The following LINGO3 variants were observed in gnomAD, a reference collection of about 807,000 sequenced individuals.
LINGO3 encodes the protein leucine-rich repeat and immunoglobulin-like domain-containing nogo receptor-interacting protein 3.
For synonymous variants in LINGO3, 427 were observed against 444.2 expected, an observed-to-expected ratio of 0.96 and a Z score of 0.49; for missense variants, 750 against 867.7, an observed-to-expected ratio of 0.86 and a Z score of 1.70.
chr19:2,292,903 A>C (rs2025539902), upstream of LINGO3, among the ~76,000 whole-genome samples: 1 of 152,162 alleles, frequency 6.6e-6, no homozygotes, highest in Non-Finnish European at 1.5e-5. Flanking sequence ...AATGTGCCCC[A>C]AGGAATGGAT....
At chr19:2,293,342 G>A (rs187004576), upstream of LINGO3, among the ~76,000 whole-genome samples, 20 of 151,098 alleles carry the variant, frequency 1.3e-4, 1 homozygote, top group East Asian at 3.7e-3. Flanking sequence ...GGGATTACAG[G>A]AGTGAGCCAC....
At chr19:2,288,326 C>G (rs945926715), downstream of LINGO3, among the ~76,000 whole-genome samples, 1 of 152,222 alleles carries the variant, frequency 6.6e-6, no homozygotes, top group Non-Finnish European at 1.5e-5. The surrounding 1 kb of genome is among the most constrained non-coding windows in gnomAD (Gnocchi z 6.5). Flanking sequence ...TGTCACTACA[C>G]TGCACCGCAC....
At chr19:2,307,790 C>G in the LINGO3 span, among the ~76,000 whole-genome samples, 1 of 152,092 alleles carries the variant, frequency 6.6e-6, no homozygotes. Flanking sequence ...ATCCTCCCAG[C>G]GTCCCCAGTG....
At chr19:2,301,368 C>T in the LINGO3 span, among the ~76,000 whole-genome samples, 1 of 152,030 alleles carries the variant, frequency 6.6e-6, no homozygotes, top group East Asian at 1.9e-4. Context: ...TGAGAAGCGT[C>T]CCTGGCCTCT....
exon 1 of LINGO3, chr19:2,289,970 G>A: frequency 6.8e-7 from 1 of 1,472,002 alleles, no homozygotes; most frequent in Non-Finnish European, 9.1e-7. Context: ...GCGGGGGAGG[G>A]GAGGGGAGGG....
upstream of LINGO3, among the ~76,000 whole-genome samples, chr19:2,292,788 C>G (rs2025538781): frequency 6.6e-6 from 1 of 152,082 alleles, no homozygotes; most frequent in African/African-American, 2.4e-5. Flanking sequence ...CCGCGCCCAC[C>G]CGCTCCTGGG....
upstream of LINGO3, among the ~76,000 whole-genome samples, chr19:2,294,599 A>G (rs1454073570): frequency 2.8e-5 from 4 of 143,648 alleles, no homozygotes; most frequent in African/African-American, 7.8e-5. The surrounding 1 kb of genome is among the most constrained non-coding windows in gnomAD (Gnocchi z 4.3). Flanking sequence ...GCTAAAGGAG[A>G]GAGTGGAGGG....
the LINGO3 span, among the ~76,000 whole-genome samples, chr19:2,301,246 G>A: frequency 6.6e-6 from 1 of 152,076 alleles, no homozygotes; most frequent in Non-Finnish European, 1.5e-5. Flanking sequence ...TGTGAGCAGG[G>A]GACAGATTTA....
chr19:2,290,407 G>C lies in LINGO3; in HGVS notation c.1370C>G (p.Ala457Gly), dbSNP rs1476817542. The C allele has an allele frequency of 1.4e-6, 2 of 1,428,710 alleles. No homozygotes were observed. The highest frequency in any genetic ancestry group is 2.9e-5 in the South Asian group (2 of 68,774). 88.5% of individuals were successfully genotyped at this position (1,428,710 alleles called of 1,614,324 possible). Residue 457 changes from alanine (A) to glycine (G), a missense_variant, in exon 1 of 1, where the codon GCG (alanine) becomes GGG (glycine). Ala to Gly is a moderately conservative substitution (Grantham distance 60, BLOSUM62 0). Transcript: ENST00000585527. The surrounding 1 kb of genome is among the most constrained non-coding windows in gnomAD (Gnocchi z 6.0). ...CAGCGTCCCCCCGGGGAGCACGCGCGCCCGGCCCGCGCTGGTGGCCGTCAC... is the reference window on the plus strand; with the variant it reads ...CAGCGTCCCCCCGGGGAGCACGCGCCCCCGGCCCGCGCTGGTGGCCGTCAC...
chr19:2,290,627 C>T lies in LINGO3; in HGVS notation c.1150G>A (p.Glu384Lys). The change falls in exon 1 of 1, where the codon GAG becomes AAG. Residue 384 changes from glutamate to lysine, a missense_variant. By Grantham distance (56) the Glu-to-Lys change is moderately conservative (BLOSUM62 1). Transcript: ENST00000585527. The surrounding 1 kb of genome is among the most constrained non-coding windows in gnomAD (Gnocchi z 6.0). ...TTTCGCAGCGCGTCGCCGCGCACCTCGGCCGGGGTGGCGCAGGCCGGCAGC... is the reference window on the plus strand; with the variant it reads ...TTTCGCAGCGCGTCGCCGCGCACCTTGGCCGGGGTGGCGCAGGCCGGCAGC... The T allele has an allele frequency of 1.3e-6, 2 of 1,595,792 alleles. No individual in the cohort carries two copies. Among genetic ancestry groups the T allele is most frequent in the Non-Finnish European group, 8.5e-7 (1 of 1,174,636 alleles).
In LINGO3 at chr19:2,290,115, G is replaced by A. The variant is rs376118489; in HGVS notation, c.1662C>T (p.Arg554=). The A allele has an allele frequency of 1.2e-6, 2 of 1,610,276 alleles. No homozygotes were observed. Among genetic ancestry groups the A allele is most frequent in the Non-Finnish European group, 1.7e-6 (2 of 1,178,666 alleles). Residue 554 remains arginine (R), a synonymous_variant, in exon 1 of 1, where the codon CGC becomes CGT. Transcript: ENST00000585527. This position sits in a 1 kb window ranked among gnomAD's most constrained non-coding sequence, Gnocchi z 6.0. ...AGTTGTTTTTGTGCTGCCCGCGGCC[G>A]CGGCTCCACACGAACAGCAGCACGA...
Position 2,291,830 on chromosome 19 carries a change from C to A in LINGO3, c.-54G>T. The A allele has an allele frequency of 7.0e-7, 1 of 1,423,948 alleles. No homozygotes were observed. The highest frequency in any genetic ancestry group is 2.1e-5 in the Admixed American group (1 of 47,484). The allele number at this position is 1,423,948 out of a possible 1,614,324, so 88.2% of individuals were successfully genotyped here. A position where few individuals can be genotyped will look rare whatever the true frequency, so the allele number is the denominator to read the frequency against. ...CACCATCCTCCTGCGCACCTGCGGG[C>A]GGGCGGGGAGCGGGCAGCGTTAGCA... On this transcript the variant is annotated 5_prime_UTR_variant, in exon 1 of 1. Transcript: ENST00000585527.
chr19:2,300,180 T>A, the LINGO3 span, among the ~76,000 whole-genome samples: 1 of 151,786 alleles, frequency 6.6e-6, no homozygotes, highest in Non-Finnish European at 1.5e-5. Context: ...TAAAGGTGCA[T>A]GCCACCACAC....
the LINGO3 span, among the ~76,000 whole-genome samples, chr19:2,308,142 A>AGCCGGAGCAGCC: frequency 1.4e-5 from 2 of 139,692 alleles, no homozygotes; most frequent in African/African-American, 2.6e-5. Context: ...CGACACGAGC[A>AGCCGGAGCAGCC]GCCGCCGCCG....
At chr19:2,295,138 A>G (rs947650913), upstream of LINGO3, among the ~76,000 whole-genome samples, 1 of 152,164 alleles carries the variant, frequency 6.6e-6, no homozygotes, top group Non-Finnish European at 1.5e-5. Context: ...ATTGTACGTA[A>G]GTGAGGACAG....
chr19:2,306,857 T>A, the LINGO3 span, among the ~76,000 whole-genome samples: 1 of 152,038 alleles, frequency 6.6e-6, no homozygotes, highest in Non-Finnish European at 1.5e-5. Flanking sequence ...CCCACTCAGA[T>A]CCTGTCTCCG....
downstream of LINGO3, among the ~76,000 whole-genome samples, chr19:2,289,100 C>T (rs1171987109): frequency 6.7e-6 from 1 of 148,960 alleles, no homozygotes; most frequent in Non-Finnish European, 1.5e-5. Context: ...GTGTGTTCCA[C>T]TGTGAGCTGT....
In LINGO3 at chr19:2,290,130, C is replaced by G; in HGVS notation, c.1647G>C (p.Leu549=). 6.2e-7 allele frequency: 1 copy of G among 1,611,990 alleles called. No individual in the cohort carries two copies. Among genetic ancestry groups the G allele is most frequent in the Non-Finnish European group, 8.5e-7 (1 of 1,179,342 alleles). The change falls in exon 1 of 1, where the codon CTG becomes CTC. Residue 549 remains leucine, a synonymous_variant. Coordinates refer to ENST00000585527, the Ensembl canonical transcript of LINGO3. This position sits in a 1 kb window ranked among gnomAD's most constrained non-coding sequence, Gnocchi z 6.0. ...GCCCGCGGCCGCGGCTCCACACGAA[C>G]AGCAGCACGAAGCAGAAGAGGACCA...
At chr19:2,305,473 G>A in the LINGO3 span, among the ~76,000 whole-genome samples, 16 of 152,240 alleles carry the variant, frequency 1.1e-4, no homozygotes, top group African/African-American at 3.6e-4. Context: ...GCCTGGTGGT[G>A]TGGGCAGCTC....
Sources: allele counts gnomAD v4.1 joint callset (sites outside exome capture counted in the v4.1 genomes callset), GRCh38; gene constraint gnomAD v4.1.1; non-coding constraint Gnocchi (gnomAD v3.1); transcripts MANE v1.5; gene names NCBI Gene and HGNC (gene_info 2026-07-23, HGNC 2026-07-21).